ERBB4: variants seen among roughly 807,000 people sequenced by gnomAD.
ERBB4 encodes receptor tyrosine-protein kinase erbB-4.
ERBB4 carries 42 observed loss-of-function variants against 158.0 expected under a neutral mutation model. The ratio of observed to expected loss-of-function variants is 0.27; its 90% confidence interval spans 0.21 to 0.34. The LOEUF is 0.34. Among genes scored for constraint, ERBB4 ranks in the 10% least tolerant of loss-of-function variants. The pLI is 1.00. For missense variants in ERBB4, 1,333 were observed against 1,624.1 expected, an observed-to-expected ratio of 0.82 and a Z score of 3.08; for synonymous variants, 583 against 558.7, an observed-to-expected ratio of 1.04 and a Z score of -0.61.
At chr2:211,680,377 G>A (rs1283731266) in intron 12 of ERBB4, among the ~76,000 whole-genome samples, 1 of 151,996 alleles carries the variant, frequency 6.6e-6, no homozygotes, top group African/African-American at 2.4e-5. Context: ...AGTGATTTGA[G>A]GTATTTGAAA....
intron 2 of ERBB4, among the ~76,000 whole-genome samples, chr2:212,096,799 G>C (rs1235090172): frequency 6.6e-6 from 1 of 152,126 alleles, no homozygotes; most frequent in Middle Eastern, 3.2e-3. Flanking sequence ...GGTAAATTGG[G>C]TGCCAGACAA....
chr2:212,463,174 T>C (rs1258682666), intron 1 of ERBB4, among the ~76,000 whole-genome samples: 1 of 152,102 alleles, frequency 6.6e-6, no homozygotes, highest in African/African-American at 2.4e-5. Flanking sequence ...GAAACATAAG[T>C]TCTAGTGTTA....
At chr2:211,416,145 AT>A (rs1559145463) in intron 25 of ERBB4, among the ~76,000 whole-genome samples, 3 of 152,338 alleles carry the variant, frequency 2.0e-5, no homozygotes, top group Admixed American at 2.0e-4. Context: ...CTCTATAAAA[AT>A]ACATGGAAGC....
intron 2 of ERBB4, among the ~76,000 whole-genome samples, chr2:211,955,061 G>C (rs1031070937): frequency 1.3e-5 from 2 of 152,046 alleles, no homozygotes; most frequent in African/African-American, 4.8e-5. Flanking sequence ...AAAAAAGTAA[G>C]TAATGTGAAA....
chr2:212,532,650 A>C (rs535969631), intron 1 of ERBB4, among the ~76,000 whole-genome samples: 24 of 152,322 alleles, frequency 1.6e-4, no homozygotes, highest in Admixed American at 1.2e-3. Context: ...TCACATAACA[A>C]ATGATTGTAT....
intron 16 of ERBB4, among the ~76,000 whole-genome samples, chr2:211,652,506 A>T (rs2071031362): frequency 6.6e-6 from 1 of 152,340 alleles, no homozygotes; most frequent in Admixed American, 6.5e-5. Context: ...CAAGGAAAAA[A>T]AAATGTGCCA....
chr2:211,420,710 G>C (rs2063496303), intron 24 of ERBB4, 99 bp from the exon 25 acceptor site: 2 of 1,071,874 alleles, frequency 1.9e-6, no homozygotes, highest in Non-Finnish European at 2.8e-6. Flanking sequence ...ACAAATGGTT[G>C]AAAAATTCAT....
chr2:212,279,271 T>C (rs1422296683), intron 1 of ERBB4, among the ~76,000 whole-genome samples: 4 of 151,292 alleles, frequency 2.6e-5, no homozygotes, highest in African/African-American at 4.9e-5. Context: ...TAATATTTGC[T>C]ACTGATCTTA....
intron 23 of ERBB4, among the ~76,000 whole-genome samples, chr2:211,423,025 T>C (rs2063546193): frequency 6.6e-6 from 1 of 151,838 alleles, no homozygotes; most frequent in African/African-American, 2.4e-5. Flanking sequence ...TTATGTATCA[T>C]TAATGTCATC....
intron 1 of ERBB4, among the ~76,000 whole-genome samples, chr2:212,367,328 A>T (rs907449000): frequency 6.6e-6 from 1 of 152,014 alleles, no homozygotes; most frequent in Non-Finnish European, 1.5e-5. Flanking sequence ...ACAAAAACAT[A>T]AAGTGGGGAA....
Position 211,381,495 on chromosome 2 carries a change from C to G in ERBB4, c.*2120G>C, listed in dbSNP as rs2062573092. ...TACAACTGATTATATGACAGCTATT[C>G]ACAAAAGAGACTATGCAATCTGATT... On this transcript the variant is annotated 3_prime_UTR_variant, in exon 28 of 28. Coordinates refer to ENST00000342788, the MANE Select transcript of ERBB4 (RefSeq NM_005235.3). 4.3e-6 allele frequency: 1 copy of G among 231,564 alleles called. No individual in the cohort carries two copies. The highest frequency in any genetic ancestry group is 8.5e-6 in the Non-Finnish European group (1 of 117,124). 14.3% of individuals were successfully genotyped at this position (231,564 alleles called of 1,614,324 possible). A position where few individuals can be genotyped will look rare whatever the true frequency, so the allele number is the denominator to read the frequency against.
Position 212,275,886 on chromosome 2 carries a change from T to C in ERBB4, c.83-150983A>G, listed in dbSNP as rs192414775. On this transcript the variant is annotated intron_variant, in intron 1 of 27. Transcript: ENST00000342788. ...CAATTAAAAGACACAGACTGGCAAA[T>C]TGGATGAAAAGTCAAGACCCATCGG... 6.3e-4 allele frequency among the ~76,000 whole-genome samples: 96 copies of C among 151,952 alleles called. 2 individuals are homozygous for C. The East Asian group carries it at 0.016, about 25-fold the overall frequency.
chr2:211,801,751 A>C (rs2076502376), intron 3 of ERBB4, among the ~76,000 whole-genome samples: 2 of 152,234 alleles, frequency 1.3e-5, no homozygotes. Flanking sequence ...AAAAAGATTT[A>C]AACTGGACTT....
chr2:212,170,379 A>C (rs2081479705), intron 1 of ERBB4, among the ~76,000 whole-genome samples: 1 of 152,186 alleles, frequency 6.6e-6, no homozygotes, highest in Non-Finnish European at 1.5e-5. Flanking sequence ...AGAGTATAAA[A>C]GTTTGGAAAA....
At chr2:211,905,082 A>C (rs921257663) in intron 3 of ERBB4, among the ~76,000 whole-genome samples, 2 of 152,148 alleles carry the variant, frequency 1.3e-5, no homozygotes, top group African/African-American at 4.8e-5. Context: ...GGCTTTAAAC[A>C]ACACACATTC....
chr2:211,584,847 TTCC>T (rs918096120), intron 19 of ERBB4, among the ~76,000 whole-genome samples: 109 of 152,108 alleles, frequency 7.2e-4, no homozygotes, highest in Middle Eastern at 6.8e-3. Flanking sequence ...TTTTGTTTTC[TTCC>T]TCCTAATGTA....
chr2:211,447,970 ATTAT>A (rs369348696), intron 20 of ERBB4, among the ~76,000 whole-genome samples: 254 of 152,112 alleles, frequency 1.7e-3, no homozygotes, highest in Non-Finnish European at 2.5e-3. Context: ...GTCTAGACTT[ATTAT>A]TATATTATTA....
chr2:212,459,267 C>T (rs1465898170), intron 1 of ERBB4, among the ~76,000 whole-genome samples: 1 of 151,588 alleles, frequency 6.6e-6, no homozygotes, highest in Non-Finnish European at 1.5e-5. Context: ...TAATTATTTC[C>T]CCATACACAA....
chr2:211,547,165 T>G (rs757885023), intron 20 of ERBB4, among the ~76,000 whole-genome samples: 17 of 152,138 alleles, frequency 1.1e-4, no homozygotes, highest in Non-Finnish European at 2.2e-4. Flanking sequence ...ATGTTATTAT[T>G]GGGGAAAATG....
Sources: gnomAD v4.1 joint callset for allele counts (sites outside exome capture counted in the v4.1 genomes callset) on GRCh38, gnomAD v4.1.1 for gene constraint, MANE v1.5 for transcripts, NCBI Gene and HGNC (gene_info 2026-07-23, HGNC 2026-07-21) for gene names.